Variants in HYOU1 observed in about 807,000 individuals in gnomAD.
The protein encoded by HYOU1 is hypoxia up-regulated protein 1.
Under a neutral mutation model 120.5 loss-of-function variants are expected in HYOU1, and 40 were observed. That is an observed-to-expected ratio of 0.33 (90% CI 0.26 to 0.43). HYOU1 has a LOEUF of 0.43. Ranked by LOEUF, HYOU1 falls within the 20% of genes least tolerant of loss-of-function variation. HYOU1 has a pLI of 1.00. For synonymous variants in HYOU1, 501 were observed against 479.4 expected (o/e 1.05, Z -0.59); for missense variants, 1,085 against 1,278.3 (o/e 0.85, Z 2.31).
Position 119,055,650 on chromosome 11 carries a change from C to G in HYOU1, c.186-79G>C. The G allele has an allele frequency of 6.6e-6, 10 of 1,505,286 alleles. No homozygotes were observed. The highest frequency in any genetic ancestry group is 9.3e-6 in the Non-Finnish European group (10 of 1,080,924). 93.2% of individuals were successfully genotyped at this position (1,505,286 alleles called of 1,614,324 possible). On this transcript the variant is annotated intron_variant, in intron 3 of 25. Transcript: ENST00000617285. This position sits in a 1 kb window ranked among gnomAD's most constrained non-coding sequence, Gnocchi z 4.0. ...CTCGACACTCACACACATTTAACCA[C>G]TCAGATGCCGAAGTCTGCTGTGGGC...
Position 119,051,359 on chromosome 11 carries a change from C to T in HYOU1, c.1526+79G>A. 2.0e-6 allele frequency: 3 copies of T among 1,531,764 alleles called. No individual in the cohort carries two copies. In the South Asian group the frequency reaches 3.5e-5, roughly 18 times the overall value. The allele number at this position is 1,531,764 out of a possible 1,614,324, so 94.9% of individuals were successfully genotyped here. A position where few individuals can be genotyped will look rare whatever the true frequency, so the allele number is the denominator to read the frequency against. ...TCAGCCCCGCAGGCCCACATCCTCC[C>T]TCACCCCCAGTCCTCAGATTATCCA... On this transcript the variant is annotated intron_variant, in intron 13 of 25. Transcript: ENST00000617285. This position sits in a 1 kb window ranked among gnomAD's most constrained non-coding sequence, Gnocchi z 4.2.
rs1944294479 is a variant in HYOU1 at position 119,049,561 on chromosome 11, C to T, written c.1801G>A (p.Val601Ile). 3 of 1,614,120 alleles carry T rather than the reference C, an allele frequency of 1.9e-6. No individual in the cohort carries two copies. Among genetic ancestry groups the T allele is most frequent in the Non-Finnish European group, 1.7e-6 (2 of 1,179,988 alleles). Residue 601 changes from valine to isoleucine, a missense_variant, in exon 16 of 26, where the codon GTC becomes ATC. Physicochemically the swap from Val to Ile is conservative, Grantham distance 29. Coordinates refer to ENST00000617285, the MANE Select transcript of HYOU1 (RefSeq NM_006389.5). ...PDAKENGTDT[V>I]QEEEESPAEG... ...TGGCTCCATCCTGAACTCACCTGGA[C>T]AGTATCAGTACCATTCTCCTTGGCA...
At chr11:119,045,986 T>C (rs1414405369) in intron 24 of HYOU1, among the ~76,000 whole-genome samples, 155 bp from the exon 25 acceptor site, 2 of 151,996 alleles carry the variant, frequency 1.3e-5, no homozygotes, top group African/African-American at 4.8e-5. Context: ...TGAGACAGAG[T>C]CTCTGTTGCC....
Position 119,048,983 on chromosome 11 carries a change from T to C in HYOU1, c.1992+35A>G, listed in dbSNP as rs2133568756. 6.2e-7 allele frequency: 1 copy of C among 1,613,150 alleles called. No individual in the cohort carries two copies. The highest frequency in any genetic ancestry group is 8.5e-7 in the Non-Finnish European group (1 of 1,179,246). ...GGCAGGCGCCTGCTCCCTTAGCCTC[T>C]GGATCCACACTGGCCTTCCTCTGCC... On this transcript the variant is annotated intron_variant, in intron 17 of 25. Coordinates refer to ENST00000617285, the MANE Select transcript of HYOU1 (RefSeq NM_006389.5). The surrounding 1 kb of genome is among the most constrained non-coding windows in gnomAD (Gnocchi z 4.7).
chr11:119,055,121 G>C lies in HYOU1; in HGVS notation c.420-61C>G. ...CCAGGCATTAAGGCAGGACAATCAGGAACACACACCAATGAGGAGCCCAGC... is the reference window on the plus strand; with the variant it reads ...CCAGGCATTAAGGCAGGACAATCAGCAACACACACCAATGAGGAGCCCAGC... On this transcript the variant is annotated intron_variant, in intron 5 of 25. Coordinates refer to ENST00000617285, the MANE Select transcript of HYOU1 (RefSeq NM_006389.5). This position sits in a 1 kb window ranked among gnomAD's most constrained non-coding sequence, Gnocchi z 4.0. 6.2e-7 allele frequency: 1 copy of C among 1,613,166 alleles called. No homozygotes were observed. Among genetic ancestry groups the C allele is most frequent in the Non-Finnish European group, 8.5e-7 (1 of 1,179,298 alleles).
rs2133589640 is a variant in HYOU1 at position 119,052,001 on chromosome 11, G to C, written c.1206-50C>G. ...CGGTCTACCCTGGAGCATGCAACCG[G>C]GACTTCCCTCCCCTCAGCCCTCCAG... On this transcript the variant is annotated intron_variant, in intron 11 of 25. Coordinates refer to ENST00000617285, the MANE Select transcript of HYOU1 (RefSeq NM_006389.5). The surrounding 1 kb of genome is among the most constrained non-coding windows in gnomAD (Gnocchi z 5.0). 6.2e-7 allele frequency: 1 copy of C among 1,613,168 alleles called. No homozygotes were observed. Among genetic ancestry groups the C allele is most frequent in the East Asian group, 2.2e-5 (1 of 44,836 alleles).
rs2133609925 is a variant in HYOU1, at chr11:119,055,085, G to A, written c.420-25C>T. 7 of 1,613,828 alleles carry A rather than the reference G, an allele frequency of 4.3e-6. No homozygotes were observed. The Admixed American group carries it at 8.3e-5, about 19-fold the overall frequency. ...CCTGAGGGGAAGGAAGGTAGTTGGA[G>A]CCAAGGAAAGCCAGGCATTAAGGCA... is the stretch of plus-strand genomic sequence containing the variant. On this transcript the variant is annotated intron_variant, in intron 5 of 25. Transcript: ENST00000617285. This position sits in a 1 kb window ranked among gnomAD's most constrained non-coding sequence, Gnocchi z 4.0.
intron 22 of HYOU1, 43 bp from the exon 23 acceptor site, chr11:119,046,845 G>C (rs199714048): frequency 2.6e-4 from 415 of 1,588,124 alleles, no homozygotes; most frequent in Non-Finnish European, 3.4e-4. Flanking sequence ...GCCATGGAGA[G>C]AGCAGACATC....
In HYOU1 at chr11:119,055,641, A is replaced by T; in HGVS notation, c.186-70T>A. The T allele has an allele frequency of 6.6e-7, 1 of 1,509,830 alleles. No individual in the cohort carries two copies. Among genetic ancestry groups the T allele is most frequent in the South Asian group, 1.1e-5 (1 of 88,952 alleles). The allele number at this position is 1,509,830 out of a possible 1,614,324, so 93.5% of individuals were successfully genotyped here. ...CTCAGAAGCCTCGACACTCACACAC[A>T]TTTAACCACTCAGATGCCGAAGTCT... is the stretch of plus-strand genomic sequence containing the variant. On this transcript the variant is annotated intron_variant, in intron 3 of 25. Coordinates refer to ENST00000617285, the MANE Select transcript of HYOU1 (RefSeq NM_006389.5). The surrounding 1 kb of genome is among the most constrained non-coding windows in gnomAD (Gnocchi z 4.0).
chr11:119,046,268 T>A lies in HYOU1; in HGVS notation c.2887+149A>T, dbSNP rs2133548743. On this transcript the variant is annotated intron_variant, in intron 24 of 25. Coordinates refer to ENST00000617285, the MANE Select transcript of HYOU1 (RefSeq NM_006389.5). ...GGCGTGAGCCACCGTGCCTGGCCTT[T>A]TTTTTTTTTTTTTTTTTTAAACAAC... is the stretch of plus-strand genomic sequence containing the variant. The A allele has an allele frequency of 2.7e-3, 1,080 of 394,658 alleles. 3 individuals are homozygous for A. Among genetic ancestry groups the A allele is most frequent in the African/African-American group, 0.017 (746 of 44,312 alleles). 24.4% of individuals were successfully genotyped at this position (394,658 alleles called of 1,614,324 possible). A position where few individuals can be genotyped will look rare whatever the true frequency, so the allele number is the denominator to read the frequency against.
rs1310203237 is a variant in HYOU1 at position 119,045,581 on chromosome 11, C to G, written c.*12G>C. ...AGGGGGTGGAGATGAATGGGGAAAA[C>G]AGAGGTGGGGGTTATAGTTCGTCGT... On this transcript the variant is annotated 3_prime_UTR_variant, in exon 26 of 26. Transcript: ENST00000617285. The G allele has an allele frequency of 1.9e-6, 3 of 1,611,630 alleles. No homozygotes were observed. The highest frequency in any genetic ancestry group is 2.5e-6 in the Non-Finnish European group (3 of 1,177,836).
At position 119,055,134 on chromosome 11, in the gene HYOU1, TGAG is replaced by T. The variant is rs2133610216; in HGVS notation, c.419+48_419+50del. ...CAGGACAATCAGGAACACACACCAA[TGAG>T]GAGCCCAGCAGCGTTGCCGAGACCA... On this transcript the variant is annotated intron_variant, in intron 5 of 25. Transcript: ENST00000617285. This position sits in a 1 kb window ranked among gnomAD's most constrained non-coding sequence, Gnocchi z 4.0. The T allele has an allele frequency of 6.2e-7, 1 of 1,612,846 alleles. No homozygotes were observed. Among genetic ancestry groups the T allele is most frequent in the Non-Finnish European group, 8.5e-7 (1 of 1,179,158 alleles).
rs2133590766 is a variant in HYOU1, at chr11:119,052,168, T to G, written c.1127A>C (p.Glu376Ala). The G allele has an allele frequency of 6.8e-6, 11 of 1,614,038 alleles. No individual in the cohort carries two copies. Among genetic ancestry groups the G allele is most frequent in the Non-Finnish European group, 9.3e-6 (11 of 1,180,032 alleles). Residue 376 changes from glutamate to alanine, a missense_variant, in exon 11 of 26, where the codon GAG becomes GCG. Physicochemically the swap from Glu to Ala is moderately radical, Grantham distance 107. Coordinates refer to ENST00000617285, the MANE Select transcript of HYOU1 (RefSeq NM_006389.5). The surrounding 1 kb of genome is among the most constrained non-coding windows in gnomAD (Gnocchi z 5.0). ...ACCCACCAGGATCACCTGCTCAATC[T>G]CATCCTGCAGTGGGTAAGAATGACA... ...ALQSAEMSLD[E>A]IEQVILVGGA... is the part of the protein sequence containing the mutation.
Position 119,051,784 on chromosome 11 carries a change from G to A in HYOU1, c.1338+35C>T, listed in dbSNP as rs2133587814. The A allele has an allele frequency of 3.3e-5, 54 of 1,612,476 alleles. No homozygotes were observed. The highest frequency in any genetic ancestry group is 1.6e-4 in the Middle Eastern group (1 of 6,082). On this transcript the variant is annotated intron_variant, in intron 12 of 25. Coordinates refer to ENST00000617285, the MANE Select transcript of HYOU1 (RefSeq NM_006389.5). The surrounding 1 kb of genome is among the most constrained non-coding windows in gnomAD (Gnocchi z 4.2). ...GGAAACCCTACTTGGGAGAGGTAAA[G>A]GGAGCTTGTCACCTGCTCAGTCAGG...
In HYOU1 at chr11:119,055,985, T is replaced by C; in HGVS notation, c.91+85A>G. Reference sequence around the variant, plus strand: ...CCTGGACCTAACAACTCAAGAGACTTCTGGCCAACAGCCCCAAGCTCAATT... The same window carrying C: ...CCTGGACCTAACAACTCAAGAGACTCCTGGCCAACAGCCCCAAGCTCAATT... On this transcript the variant is annotated intron_variant, in intron 2 of 25. Transcript: ENST00000617285. The surrounding 1 kb of genome is among the most constrained non-coding windows in gnomAD (Gnocchi z 4.0). The C allele has an allele frequency of 7.0e-7, 1 of 1,420,324 alleles. No individual in the cohort carries two copies. Among genetic ancestry groups the C allele is most frequent in the Non-Finnish European group, 1.0e-6 (1 of 1,004,396 alleles). 88.0% of individuals were successfully genotyped at this position (1,420,324 alleles called of 1,614,324 possible). A position where few individuals can be genotyped will look rare whatever the true frequency, so the allele number is the denominator to read the frequency against.
chr11:119,052,009 C>T lies in HYOU1; in HGVS notation c.1206-58G>A, dbSNP rs12797669. ...CCTGGAGCATGCAACCGGGACTTCC[C>T]TCCCCTCAGCCCTCCAGCTGCTCAG... is the stretch of plus-strand genomic sequence containing the variant. On this transcript the variant is annotated intron_variant, in intron 11 of 25. Transcript: ENST00000617285. The surrounding 1 kb of genome is among the most constrained non-coding windows in gnomAD (Gnocchi z 5.0). 4 of 1,613,170 alleles carry T rather than the reference C, an allele frequency of 2.5e-6. No homozygotes were observed. The highest frequency in any genetic ancestry group is 1.3e-5 in the African/African-American group (1 of 74,910).
intron 8 of HYOU1, chr11:119,053,163 C>T (rs186510652): frequency 1.8e-4 from 48 of 268,150 alleles, no homozygotes; most frequent in Admixed American, 1.3e-3. Context: ...ATTATCACTA[C>T]GTCACATGTT....
chr11:119,045,672 G>A lies in HYOU1; in HGVS notation c.2939-18C>T. On this transcript the variant is annotated intron_variant, in intron 25 of 25. Coordinates refer to ENST00000617285, the MANE Select transcript of HYOU1 (RefSeq NM_006389.5). ...TTCAGGTTCTGTTGGGAGTTTGGGG[G>A]AGCAAAGGAATCACCGCAGGTGAAA... 1 of 1,614,116 alleles carries A rather than the reference G, an allele frequency of 6.2e-7. No individual in the cohort carries two copies. The highest frequency in any genetic ancestry group is 2.2e-5 in the East Asian group (1 of 44,876).
At chr11:119,050,412 GTAA>G (rs901626820) in intron 14 of HYOU1, among the ~76,000 whole-genome samples, 3 of 151,752 alleles carry the variant, frequency 2.0e-5, no homozygotes, top group Admixed American at 6.6e-5. Context: ...CTCAAAAAAA[GTAA>G]TAATAATAAT....
Sources: allele counts gnomAD v4.1 joint callset (sites outside exome capture counted in the v4.1 genomes callset), GRCh38; gene constraint gnomAD v4.1.1; non-coding constraint Gnocchi (gnomAD v3.1); transcripts MANE v1.5; gene names NCBI Gene and HGNC (gene_info 2026-07-23, HGNC 2026-07-21).